Variants in PDGFB observed in about 807,000 individuals in gnomAD.
PDGFB encodes platelet-derived growth factor subunit B.
Under a neutral mutation model 29.0 loss-of-function variants are expected in PDGFB, and 6 were observed. The observed-to-expected ratio is 0.21, with a 90% CI of 0.11 to 0.41. The LOEUF is 0.41. PDGFB is among the 10% of genes least tolerant of loss of function. The pLI is 1.00. For synonymous variants in PDGFB, 144 were observed against 140.8 expected, an observed-to-expected ratio of 1.02 and a Z score of -0.16; for missense variants, 299 against 341.8, an observed-to-expected ratio of 0.87 and a Z score of 0.99.
Position 39,235,564 on chromosome 22 carries a change from G to A in PDGFB, c.160+214C>T, listed in dbSNP as rs561958388. 1.1e-4 allele frequency among the ~76,000 whole-genome samples: 17 copies of A among 152,316 alleles called. No individual in the cohort carries two copies. The South Asian group carries it at 2.7e-3, about 24-fold the overall frequency. On this transcript the variant is annotated intron_variant, in intron 2 of 6. Coordinates refer to ENST00000331163, the MANE Select transcript of PDGFB (RefSeq NM_002608.4). ...CCTTGGCACCAAGCCGGAGCCACAC[G>A]TGGGTGCTTCTCCTGCCACACCCCA... is the stretch of plus-strand genomic sequence containing the variant.
rs752580531 is a variant in PDGFB at position 39,233,517 on chromosome 22, A to G, written c.168T>C (p.Asp56=). 2.5e-6 allele frequency: 4 copies of G among 1,587,504 alleles called. No individual in the cohort carries two copies. The East Asian group carries it at 7.1e-5, about 28-fold the overall frequency. The change falls in exon 3 of 7, where the codon GAT becomes GAC. Residue 56 remains aspartate (D), a synonymous_variant. Coordinates refer to ENST00000331163, the MANE Select transcript of PDGFB (RefSeq NM_002608.4). The stretch of plus-strand genomic sequence containing the variant: ...TCATGTTCAGGTCCAACTCGGCCCC[A>G]TCTTCCTCTGCAGGAGAAGTCACAG... ...RLLHGDPGEE[D]GAELDLNMTR...
chr22:39,243,254 CTCTCTCTCTCTCTCTCTCTT>C lies in PDGFB; in HGVS notation c.63+627_63+646del, dbSNP rs1932612402. 3.5e-5 allele frequency among the ~76,000 whole-genome samples: 1 copy of C among 28,342 alleles called. No homozygotes were observed. The highest frequency in any genetic ancestry group is 5.0e-3 in the South Asian group (1 of 202). 18.6% of individuals were successfully genotyped at this position (28,342 alleles called of 152,430 possible). A position where few individuals can be genotyped will look rare whatever the true frequency, so the allele number is the denominator to read the frequency against. On this transcript the variant is annotated intron_variant, in intron 1 of 6. Transcript: ENST00000331163. This position sits in a 1 kb window ranked among gnomAD's most constrained non-coding sequence, Gnocchi z 6.4. ...TCTCTCTCTCCGTCTCTCTCTCCGT[CTCTCTCTCTCTCTCTCTCTT>C]TCTCTCTCTCTCTCTCTCTCTCCCT... is the stretch of plus-strand genomic sequence containing the variant.
At chr22:39,235,520 C>A (rs1932419982) in intron 2 of PDGFB, among the ~76,000 whole-genome samples, 1 of 152,218 alleles carries the variant, frequency 6.6e-6, no homozygotes, top group African/African-American at 2.4e-5. Context: ...CCCCGCCCTC[C>A]CTCCTCCTGG....
At position 39,243,912 on chromosome 22, in the gene PDGFB, C is replaced by T. The variant is rs764421332; in HGVS notation, c.52G>A (p.Val18Ile). 1 of 1,607,230 alleles carries T rather than the reference C, an allele frequency of 6.2e-7. No homozygotes were observed. ...CCGTGGCAACTCACCTCGGCGCTGACCAGACGCAGGTAGCAGCAGAGAGAC... is the reference window on the plus strand; with the variant it reads ...CCGTGGCAACTCACCTCGGCGCTGATCAGACGCAGGTAGCAGCAGAGAGAC... ...FLSLCCYLRL[V>I]SAEGDPIPEE... The change falls in exon 1 of 7, where the codon GTC (valine) becomes ATC (isoleucine). Residue 18 changes from valine (V) to isoleucine (I), a missense_variant. Coordinates refer to ENST00000331163, the MANE Select transcript of PDGFB (RefSeq NM_002608.4). This position sits in a 1 kb window ranked among gnomAD's most constrained non-coding sequence, Gnocchi z 6.4.
chr22:39,226,832 T>C (rs4990917), intron 5 of PDGFB, among the ~76,000 whole-genome samples: 56,280 of 151,684 alleles, frequency 0.37, 10,919 homozygotes, highest in Middle Eastern at 0.49. Context: ...CTCTGAGAAA[T>C]GGTAGAGTGG....
chr22:39,242,023 C>T lies in PDGFB; in HGVS notation c.63+1878G>A, dbSNP rs571793178. ...TGAGGTGCCAGGGCCCACGGAGGGC[C>T]CACCTGTTGCGCGGGGGCGAGCACC... On this transcript the variant is annotated intron_variant, in intron 1 of 6. Coordinates refer to ENST00000331163, the MANE Select transcript of PDGFB (RefSeq NM_002608.4). The surrounding 1 kb of genome is among the most constrained non-coding windows in gnomAD (Gnocchi z 5.7). Among the ~76,000 whole-genome samples the T allele has an allele frequency of 1.3e-5, 2 of 152,280 alleles. No homozygotes were observed. Among genetic ancestry groups the T allele is most frequent in the East Asian group, 3.9e-4 (2 of 5,168 alleles).
At chr22:39,228,162 G>A (rs908235660) in intron 5 of PDGFB, among the ~76,000 whole-genome samples, 6 of 127,280 alleles carry the variant, frequency 4.7e-5, no homozygotes, top group East Asian at 3.9e-4. Context: ...CAGAAACACC[G>A]TCATACTCAA....
chr22:39,244,317 GA>G lies in PDGFB; in HGVS notation c.-355del. ...CCCAGGGGACTCCAACCTCCAAGAG[GA>G]AAAGGAACACGGCAGTCGATGGTTC... On this transcript the variant is annotated 5_prime_UTR_variant, in exon 1 of 7. Coordinates refer to ENST00000331163, the MANE Select transcript of PDGFB (RefSeq NM_002608.4). This position sits in a 1 kb window ranked among gnomAD's most constrained non-coding sequence, Gnocchi z 4.5. The G allele has an allele frequency of 4.8e-6, 1 of 207,378 alleles. No homozygotes were observed. The highest frequency in any genetic ancestry group is 9.8e-6 in the Non-Finnish European group (1 of 101,798). 12.8% of individuals were successfully genotyped at this position (207,378 alleles called of 1,614,324 possible). A position where few individuals can be genotyped will look rare whatever the true frequency, so the allele number is the denominator to read the frequency against.
Position 39,224,333 on chromosome 22 carries a change from A to G in PDGFB, c.*1009T>C, listed in dbSNP as rs1466061880. The G allele has an allele frequency of 3.3e-5, 5 of 152,410 alleles. No individual in the cohort carries two copies. Among genetic ancestry groups the G allele is most frequent in the Non-Finnish European group, 5.9e-5 (4 of 68,032 alleles). The allele number at this position is 152,410 out of a possible 1,614,324, so 9.4% of individuals were successfully genotyped here. A position where few individuals can be genotyped will look rare whatever the true frequency, so the allele number is the denominator to read the frequency against. On this transcript the variant is annotated 3_prime_UTR_variant, in exon 7 of 7. Coordinates refer to ENST00000331163, the MANE Select transcript of PDGFB (RefSeq NM_002608.4). ...ATGTGAACAGTGCTCCCTGCATACA[A>G]TGTCCTTGTGCAGTACACACCCTGC...
intron 2 of PDGFB, among the ~76,000 whole-genome samples, chr22:39,235,402 A>G (rs1477369346): frequency 1.3e-5 from 2 of 152,192 alleles, no homozygotes; most frequent in Admixed American, 1.3e-4. Flanking sequence ...GGGACCTCAC[A>G]GACCGGGCCC....
rs1311738960 is a variant in PDGFB, at chr22:39,230,146, C to T, written c.539G>A (p.Cys180Tyr). ...VTLEDHLACK[C>Y]ETVAAARPVT... ...AGGCCGTGCAGCTGCCACTGTCTCACACTTGCATGCCAGGTGGTCTTCCAG... is the reference window on the plus strand; with the variant it reads ...AGGCCGTGCAGCTGCCACTGTCTCATACTTGCATGCCAGGTGGTCTTCCAG... The change falls in exon 5 of 7, where the codon TGT (cysteine) becomes TAT (tyrosine). Residue 180 changes from cysteine (C) to tyrosine (Y), a missense_variant. Cys to Tyr is a radical substitution (Grantham distance 194, BLOSUM62 -2). Transcript: ENST00000331163. 2 of 1,614,130 alleles carry T rather than the reference C, an allele frequency of 1.2e-6. No homozygotes were observed. Among genetic ancestry groups the T allele is most frequent in the Admixed American group, 1.7e-5 (1 of 60,030 alleles).
rs1322547902 is a variant in PDGFB at position 39,242,412 on chromosome 22, G to A, written c.63+1489C>T. On this transcript the variant is annotated intron_variant, in intron 1 of 6. Coordinates refer to ENST00000331163, the MANE Select transcript of PDGFB (RefSeq NM_002608.4). This position sits in a 1 kb window ranked among gnomAD's most constrained non-coding sequence, Gnocchi z 5.7. ...CAGCCCCCAGGTCCCACGGCGAGGC[G>A]AGGCGGCAGCTGGGGCCGGCCGGCC... is the stretch of plus-strand genomic sequence containing the variant. 5 of 202,694 alleles carry A rather than the reference G, an allele frequency of 2.5e-5. No individual in the cohort carries two copies. The highest frequency in any genetic ancestry group is 6.0e-5 in the Admixed American group (1 of 16,646). The allele number at this position is 202,694 out of a possible 1,614,324, so 12.6% of individuals were successfully genotyped here.
Position 39,244,116 on chromosome 22 carries a change from TGGCCCCCG to T in PDGFB, c.-161_-154del. 1 of 349,352 alleles carries T rather than the reference TGGCCCCCG, an allele frequency of 2.9e-6. No homozygotes were observed. The highest frequency in any genetic ancestry group is 5.0e-6 in the Non-Finnish European group (1 of 200,554). 21.6% of individuals were successfully genotyped at this position (349,352 alleles called of 1,614,324 possible). A position where few individuals can be genotyped will look rare whatever the true frequency, so the allele number is the denominator to read the frequency against. On this transcript the variant is annotated 5_prime_UTR_variant, in exon 1 of 7. Transcript: ENST00000331163. This position sits in a 1 kb window ranked among gnomAD's most constrained non-coding sequence, Gnocchi z 4.5. ...CCTCTGCAGCCGCGGCTCACCCGCATGGCCCCCGGGCGCCGCCGCCCCCGGCCCCGGCT... is the reference window on the plus strand; with the variant it reads ...CCTCTGCAGCCGCGGCTCACCCGCATGGCGCCGCCGCCCCCGGCCCCGGCT...
In PDGFB at chr22:39,231,189, C is replaced by T. The variant is rs571560084; in HGVS notation, c.456+433G>A. Among the ~76,000 whole-genome samples, 2 of 152,332 alleles carry T rather than the reference C, an allele frequency of 1.3e-5. No homozygotes were observed. The highest frequency in any genetic ancestry group is 4.1e-4 in the South Asian group (2 of 4,824). On this transcript the variant is annotated intron_variant, in intron 4 of 6. Transcript: ENST00000331163. The surrounding 1 kb of genome is among the most constrained non-coding windows in gnomAD (Gnocchi z 4.3). ...AAAGATGCAGGGCCACCCATCTGAGCCTTTCTCAAGACAGCCCTGAATAGG... is the reference window on the plus strand; with the variant it reads ...AAAGATGCAGGGCCACCCATCTGAGTCTTTCTCAAGACAGCCCTGAATAGG...
At position 39,242,047 on chromosome 22, in the gene PDGFB, C is replaced by T. The variant is rs1932578492; in HGVS notation, c.63+1854G>A. The stretch of plus-strand genomic sequence containing the variant: ...CCCACCTGTTGCGCGGGGGCGAGCA[C>T]CAGGCGCTGGGTGCACGGGGGCCCG... On this transcript the variant is annotated intron_variant, in intron 1 of 6. Transcript: ENST00000331163. The surrounding 1 kb of genome is among the most constrained non-coding windows in gnomAD (Gnocchi z 5.7). The T allele has an allele frequency of 1.3e-5, 3 of 231,390 alleles. No individual in the cohort carries two copies. Among genetic ancestry groups the T allele is most frequent in the Non-Finnish European group, 2.6e-5 (3 of 116,900 alleles). 14.3% of individuals were successfully genotyped at this position (231,390 alleles called of 1,614,324 possible).
In PDGFB at chr22:39,239,638, C is replaced by G. The variant is rs529016224; in HGVS notation, c.64-3764G>C. 3.9e-5 allele frequency among the ~76,000 whole-genome samples: 6 copies of G among 152,306 alleles called. No individual in the cohort carries two copies. The South Asian group carries it at 1.2e-3, about 32-fold the overall frequency. ...GAAGAAGCTGTCCCAAGATCTCAGG[C>G]CCGGGGTTTCTGGCAGAGTGAGGGC... On this transcript the variant is annotated intron_variant, in intron 1 of 6. Coordinates refer to ENST00000331163, the MANE Select transcript of PDGFB (RefSeq NM_002608.4).
chr22:39,230,789 G>A (rs775733178), intron 4 of PDGFB, among the ~76,000 whole-genome samples: 4 of 152,260 alleles, frequency 2.6e-5, no homozygotes, highest in African/African-American at 9.6e-5. Context: ...GCTGGTGGCA[G>A]GAGAAGGAAG....
Position 39,243,244 on chromosome 22 carries a change from CTCTCTCCG to C in PDGFB, c.63+649_63+656del, listed in dbSNP as rs1932610789. On this transcript the variant is annotated intron_variant, in intron 1 of 6. Transcript: ENST00000331163. The surrounding 1 kb of genome is among the most constrained non-coding windows in gnomAD (Gnocchi z 6.4). ...TTTCTCTCCCTCTCTCTCTCCGTCT[CTCTCTCCG>C]TCTCTCTCTCTCTCTCTCTCTTTCT... Among the ~76,000 whole-genome samples the C allele has an allele frequency of 7.7e-6, 1 of 129,726 alleles. No individual in the cohort carries two copies. Among genetic ancestry groups the C allele is most frequent in the African/African-American group, 2.8e-5 (1 of 35,422 alleles). 85.1% of individuals were successfully genotyped at this position (129,726 alleles called of 152,430 possible). A position where few individuals can be genotyped will look rare whatever the true frequency, so the allele number is the denominator to read the frequency against.
chr22:39,235,937 TCC>T, intron 1 of PDGFB, 63 bp from the exon 2 acceptor site: 1 of 1,089,578 alleles, frequency 9.2e-7, no homozygotes, highest in Non-Finnish European at 1.4e-6. Flanking sequence ...CATGGCTGTC[TCC>T]CCCACCACAC....
Sources: gnomAD v4.1 joint callset for allele counts (sites outside exome capture counted in the v4.1 genomes callset) on GRCh38, gnomAD v4.1.1 for gene constraint, Gnocchi (gnomAD v3.1) non-coding constraint, MANE v1.5 for transcripts, NCBI Gene and HGNC (gene_info 2026-07-23, HGNC 2026-07-21) for gene names.